The following PRKAR1B variants were observed in gnomAD, a reference collection of about 807,000 sequenced individuals.
The protein encoded by PRKAR1B is cAMP-dependent protein kinase type I-beta regulatory subunit.
A neutral mutation model predicts 46.5 loss-of-function variants in PRKAR1B; 22 were observed. That is an observed-to-expected ratio of 0.47 (90% CI 0.34 to 0.68). PRKAR1B has a LOEUF of 0.68. Ranked by LOEUF, PRKAR1B falls within the 30% of genes least tolerant of loss-of-function variation. The pLI is 0.01. For missense variants in PRKAR1B, 445 were observed against 535.6 expected (o/e 0.83, Z 1.67); for synonymous variants, 259 against 217.7 (o/e 1.19, Z -1.67).
chr7:578,609 A>T (rs1388558143), intron 9 of PRKAR1B, among the ~76,000 whole-genome samples: 2 of 149,510 alleles, frequency 1.3e-5, no homozygotes, highest in African/African-American at 5.0e-5. Context: ...GCCATCCCCC[A>T]CCCCACTCCC....
chr7:570,040 G>T (rs1226459252), intron 9 of PRKAR1B, among the ~76,000 whole-genome samples: 1 of 152,230 alleles, frequency 6.6e-6, no homozygotes, highest in Non-Finnish European at 1.5e-5. Flanking sequence ...GGCCAAATGG[G>T]CCCCCTTTCA....
At chr7:709,952 T>G (rs970201996) in intron 2 of PRKAR1B, among the ~76,000 whole-genome samples, 2 of 152,282 alleles carry the variant, frequency 1.3e-5, no homozygotes, top group African/African-American at 4.8e-5. Context: ...TACAACTACG[T>G]TTTTATAAAA....
chr7:616,405 C>T (rs1442098736), intron 4 of PRKAR1B, among the ~76,000 whole-genome samples: 1 of 152,268 alleles, frequency 6.6e-6, no homozygotes, highest in Non-Finnish European at 1.5e-5. Flanking sequence ...GCCCACCAGG[C>T]CTGCCTGGCT....
At chr7:677,206 G>C (rs1382943691) in intron 4 of PRKAR1B, 23 bp downstream of exon 4, 9 of 1,612,566 alleles carry the variant, frequency 5.6e-6, no homozygotes, top group Non-Finnish European at 7.6e-6. Context: ...GGTGATGCCG[G>C]GGCAGGGGAC....
intron 4 of PRKAR1B, among the ~76,000 whole-genome samples, chr7:632,143 G>C (rs1440688088): frequency 6.6e-6 from 1 of 152,212 alleles, no homozygotes. Context: ...GGGGGAGCAG[G>C]TGCTGGCCAA....
chr7:554,596 CA>C (rs1778298574), intron 9 of PRKAR1B, among the ~76,000 whole-genome samples: 1 of 151,202 alleles, frequency 6.6e-6, no homozygotes, highest in African/African-American at 2.4e-5. Flanking sequence ...AGCCAGAAGA[CA>C]GGGGAGGCCA....
chr7:721,589 A>G (rs1391772341), intron 1 of PRKAR1B, among the ~76,000 whole-genome samples: 1 of 152,168 alleles, frequency 6.6e-6, no homozygotes, highest in Non-Finnish European at 1.5e-5. Context: ...CAGAGGTTGC[A>G]GTGAGCTGAG....
At chr7:574,316 C>T (rs148071667) in intron 9 of PRKAR1B, among the ~76,000 whole-genome samples, 1 of 152,272 alleles carries the variant, frequency 6.6e-6, no homozygotes, top group South Asian at 2.1e-4. Context: ...AGGGCAGGGG[C>T]TGAGAAAGCT....
chr7:694,141 T>C (rs1222975439), intron 2 of PRKAR1B, among the ~76,000 whole-genome samples: 1 of 151,988 alleles, frequency 6.6e-6, no homozygotes, highest in African/African-American at 2.4e-5. Context: ...AAAAATTAAC[T>C]GGACTTGGTG....
intron 2 of PRKAR1B, among the ~76,000 whole-genome samples, chr7:684,004 C>T (rs976080243): frequency 1.3e-5 from 2 of 151,810 alleles, no homozygotes; most frequent in Non-Finnish European, 2.9e-5. Context: ...TATGCCAACG[C>T]CTACCTCCAC....
chr7:596,570 G>T (rs1781276205), intron 6 of PRKAR1B, among the ~76,000 whole-genome samples: 1 of 152,216 alleles, frequency 6.6e-6, no homozygotes, highest in Non-Finnish European at 1.5e-5. Flanking sequence ...CAGTGCCAAT[G>T]AGACAACCAC....
intron 1 of PRKAR1B, among the ~76,000 whole-genome samples, chr7:711,847 G>T (rs569631241): frequency 3.3e-5 from 5 of 151,682 alleles, no homozygotes; most frequent in Non-Finnish European, 7.4e-5. Context: ...AGAGTGGGGG[G>T]GCCCGGCGCC....
chr7:628,394 G>C (rs1339836087), intron 4 of PRKAR1B, among the ~76,000 whole-genome samples: 1 of 152,258 alleles, frequency 6.6e-6, no homozygotes, highest in Non-Finnish European at 1.5e-5. Flanking sequence ...CAGAGGGCAG[G>C]CGGGGTCCCC....
intron 4 of PRKAR1B, among the ~76,000 whole-genome samples, chr7:609,575 C>T (rs973840938): frequency 2.6e-5 from 4 of 152,198 alleles, no homozygotes; most frequent in Admixed American, 6.5e-5. Context: ...CGTGTGCACC[C>T]GTGAAAAGCG....
intron 9 of PRKAR1B, 41 bp from the exon 10 acceptor site, chr7:551,511 G>T: frequency 3.2e-6 from 5 of 1,539,876 alleles, no homozygotes; most frequent in Non-Finnish European, 4.4e-6. Context: ...CAGCCAGGCG[G>T]GTGCAGGGTG....
chr7:555,348 C>T (rs576897701), intron 9 of PRKAR1B, among the ~76,000 whole-genome samples: 1 of 152,168 alleles, frequency 6.6e-6, no homozygotes, highest in East Asian at 1.9e-4. Context: ...TGTCTGGATG[C>T]AAGAGCACAC....
At chr7:662,588 C>T (rs566666118) in intron 4 of PRKAR1B, among the ~76,000 whole-genome samples, 8 of 148,368 alleles carry the variant, frequency 5.4e-5, no homozygotes, top group East Asian at 2.0e-4. Flanking sequence ...TACTCTCCCC[C>T]CCATAGCACA....
At chr7:609,015 G>A (rs868285647) in intron 4 of PRKAR1B, among the ~76,000 whole-genome samples, 3 of 110,570 alleles carry the variant, frequency 2.7e-5, no homozygotes, top group Non-Finnish European at 4.0e-5. Context: ...CTGTAGGGAG[G>A]GCCGGGGGGC....
intron 1 of PRKAR1B, among the ~76,000 whole-genome samples, chr7:711,948 C>A (rs1314549557): frequency 2.0e-5 from 3 of 151,860 alleles, no homozygotes; most frequent in African/African-American, 7.3e-5. Context: ...GCTGGGGGCC[C>A]CTGCGCGCGG....
Sources: allele counts gnomAD v4.1 joint callset (sites outside exome capture counted in the v4.1 genomes callset), GRCh38; gene constraint gnomAD v4.1.1; transcripts MANE v1.5; gene names NCBI Gene and HGNC (gene_info 2026-07-23, HGNC 2026-07-21).